DMXL1: variants seen among roughly 807,000 people sequenced by gnomAD.
The protein encoded by DMXL1 is dmX-like protein 1.
A neutral mutation model predicts 319.2 loss-of-function variants in DMXL1; 99 were observed. That is an observed-to-expected ratio of 0.31 (90% CI 0.26 to 0.37). DMXL1 has a LOEUF of 0.37. DMXL1 is among the 10% of genes least tolerant of loss of function. The pLI, the probability that DMXL1 is intolerant of heterozygous loss-of-function variation, is 1.00. For synonymous variants in DMXL1, 1,385 were observed against 1,235.2 expected (o/e 1.12, Z -2.54); for missense variants, 3,745 against 3,595.6 (o/e 1.04, Z -1.06).
rs575928186 is a variant in DMXL1 at position 119,224,247 on chromosome 5, T to C, written c.8278-462T>C. Among the ~76,000 whole-genome samples, 33 of 152,272 alleles carry C rather than the reference T, an allele frequency of 2.2e-4. 1 individual carries two copies. In the South Asian group the frequency reaches 6.6e-3, roughly 31 times the overall value. ...AATGTTCTATAAATTTTTCCTTTAA[T>C]TTTATGTGTTTGTTTTACTCTTATT... On this transcript the variant is annotated intron_variant, in intron 37 of 43. Transcript: ENST00000539542.
At position 119,238,998 on chromosome 5, in the gene DMXL1, T is replaced by G; in HGVS notation, c.8569T>G (p.Cys2857Gly). ...SMPKPYLTWQCHNKTANDFVF... is the reference protein window; with the variant it reads ...SMPKPYLTWQGHNKTANDFVF... ...TTTGTAACCATTCCAGACTTGGCAG[T>G]GTCATAACAAAACAGCCAATGATTT... is the stretch of plus-strand genomic sequence containing the variant. The change falls in exon 41 of 44, where the codon TGT (cysteine) becomes GGT (glycine). Residue 2857 changes from cysteine (C) to glycine (G), a missense_variant. Cys to Gly is a radical substitution (Grantham distance 159). This residue lies in a region of DMXL1 where 262 missense variants were observed against 320.5 expected (regional missense o/e 0.82). Coordinates refer to ENST00000539542, the MANE Select transcript of DMXL1 (RefSeq NM_001290321.3). 1 of 1,613,798 alleles carries G rather than the reference T, an allele frequency of 6.2e-7. No individual in the cohort carries two copies. Among genetic ancestry groups the G allele is most frequent in the Non-Finnish European group, 8.5e-7 (1 of 1,179,890 alleles).
chr5:119,196,808 GGAAA>G (rs919944976), intron 31 of DMXL1, among the ~76,000 whole-genome samples: 3 of 152,080 alleles, frequency 2.0e-5, no homozygotes, highest in South Asian at 2.1e-4. Flanking sequence ...AGATTGTACA[GGAAA>G]GAAAGGGGCA....
chr5:119,176,068 T>C (rs1203241410), intron 26 of DMXL1, among the ~76,000 whole-genome samples: 1 of 152,104 alleles, frequency 6.6e-6, no homozygotes, highest in Non-Finnish European at 1.5e-5. Context: ...TCAGGAGAAA[T>C]TCTAGCTTCA....
chr5:119,093,935 T>C (rs968212079), intron 1 of DMXL1, among the ~76,000 whole-genome samples: 5 of 151,904 alleles, frequency 3.3e-5, no homozygotes, highest in African/African-American at 9.7e-5. Context: ...CTGGGAGAGG[T>C]GAGGAAGCTG....
rs759574350 is a variant in DMXL1 at position 119,178,117 on chromosome 5, C to A, written c.7008C>A (p.Ala2336=). 3 of 1,613,814 alleles carry A rather than the reference C, an allele frequency of 1.9e-6. No homozygotes were observed. The African/African-American group carries it at 4.0e-5, about 22-fold the overall frequency. The change falls in exon 28 of 44, where the codon GCC becomes GCA. Residue 2336 remains alanine, a synonymous_variant. Coordinates refer to ENST00000539542, the MANE Select transcript of DMXL1 (RefSeq NM_001290321.3). The part of the protein sequence containing the change: ...VYLSLFIHGL[A]THSSNELFRI... ...TTAGTCTCTTCATCCATGGCCTGGC[C>A]ACACATTCAAGTAATGAGCTATTTC...
chr5:119,197,820 C>T lies in DMXL1; in HGVS notation c.7609C>T (p.Leu2537Phe). 6.2e-7 allele frequency: 1 copy of T among 1,614,140 alleles called. No individual in the cohort carries two copies. Among genetic ancestry groups the T allele is most frequent in the Non-Finnish European group, 8.5e-7 (1 of 1,180,020 alleles). ...AACTCTTCAATGTTGGGAACAAGTT[C>T]TTCTCCGACGACTTGAAATCCATGG... ...LKTLQCWEQV[L>F]LRRLEIHGGP... The change falls in exon 32 of 44, where the codon CTT becomes TTT. Residue 2537 changes from leucine (L) to phenylalanine (F), a missense_variant. This residue lies in a region of DMXL1 where 1,382 missense variants were observed against 1,269.5 expected (regional missense o/e 1.09). Coordinates refer to ENST00000539542, the MANE Select transcript of DMXL1 (RefSeq NM_001290321.3).
intron 32 of DMXL1, 113 bp from the exon 33 acceptor site, chr5:119,203,206 A>G (rs1781139144): frequency 9.2e-6 from 6 of 651,198 alleles, no homozygotes; most frequent in South Asian, 9.1e-5. Context: ...GCCTCCAGTC[A>G]TACAGTCTGA....
intron 1 of DMXL1, among the ~76,000 whole-genome samples, chr5:119,079,959 A>G (rs1751820641): frequency 1.3e-5 from 2 of 152,172 alleles, no homozygotes. Context: ...TTCTACATGC[A>G]GCTCCTGGTG....
chr5:119,105,037 T>G (rs527671410), intron 3 of DMXL1, 143 bp from the exon 4 acceptor site: 1 of 585,840 alleles, frequency 1.7e-6, no homozygotes, highest in African/African-American at 1.9e-5. Flanking sequence ...ATGTGTTCTC[T>G]ATTTTTGTTG....
intron 34 of DMXL1, among the ~76,000 whole-genome samples, chr5:119,215,764 T>A (rs928407992): frequency 1.3e-5 from 2 of 152,136 alleles, no homozygotes; most frequent in Middle Eastern, 3.2e-3. Context: ...TTTATGCATT[T>A]CACAATAAGT....
intron 10 of DMXL1, among the ~76,000 whole-genome samples, chr5:119,132,410 G>C (rs992775586): frequency 7.9e-5 from 12 of 152,214 alleles, no homozygotes; most frequent in African/African-American, 2.9e-4. Flanking sequence ...GCCGGGCACA[G>C]TGGCTCACGC....
intron 34 of DMXL1, among the ~76,000 whole-genome samples, chr5:119,209,492 G>T (rs943987569): frequency 1.3e-5 from 2 of 151,976 alleles, no homozygotes; most frequent in Admixed American, 6.6e-5. Context: ...TGGGACTACA[G>T]GCATGCATCA....
intron 1 of DMXL1, among the ~76,000 whole-genome samples, chr5:119,088,704 G>A (rs1433605603): frequency 6.6e-6 from 1 of 152,062 alleles, no homozygotes; most frequent in Non-Finnish European, 1.5e-5. Context: ...ACATCTTATT[G>A]AAGTGCGTTA....
chr5:119,089,294 T>TATATATATATA (rs150933906), intron 1 of DMXL1, among the ~76,000 whole-genome samples: 4 of 17,000 alleles, frequency 2.4e-4, no homozygotes, highest in East Asian at 0.012. Flanking sequence ...ATATATATAT[T>TATATATATATA]TTTTTTTTTT....
intron 32 of DMXL1, among the ~76,000 whole-genome samples, chr5:119,198,825 C>T (rs919399411): frequency 5.3e-5 from 8 of 152,180 alleles, no homozygotes; most frequent in African/African-American, 7.2e-5. Context: ...AAACTCACAT[C>T]GTGAGGATTT....
At chr5:119,206,128 A>T (rs936132819) in intron 33 of DMXL1, among the ~76,000 whole-genome samples, 1 of 151,996 alleles carries the variant, frequency 6.6e-6, no homozygotes, top group Admixed American at 6.6e-5. Flanking sequence ...CTCCCTTTGT[A>T]TTTAAATAGA....
intron 5 of DMXL1, among the ~76,000 whole-genome samples, chr5:119,111,028 A>G (rs1159408784): frequency 6.6e-6 from 1 of 152,146 alleles, no homozygotes; most frequent in Non-Finnish European, 1.5e-5. Flanking sequence ...ACCTCAGGTG[A>G]TCTGCCCGCC....
intron 2 of DMXL1, among the ~76,000 whole-genome samples, chr5:119,098,906 C>A (rs567946074): frequency 1.3e-5 from 2 of 152,214 alleles, no homozygotes; most frequent in African/African-American, 4.8e-5. Flanking sequence ...AGTCCATGGA[C>A]CCAATCATTT....
chr5:119,205,522 T>C (rs1218589817), intron 33 of DMXL1, among the ~76,000 whole-genome samples: 5 of 152,124 alleles, frequency 3.3e-5, no homozygotes, highest in Non-Finnish European at 7.4e-5. Flanking sequence ...GAATATTTTC[T>C]CTGAATTTTG....
Sources: allele counts gnomAD v4.1 joint callset (sites outside exome capture counted in the v4.1 genomes callset), GRCh38; gene constraint gnomAD v4.1.1; regional missense constraint gnomAD v4.1.1; transcripts MANE v1.5; gene names NCBI Gene and HGNC (gene_info 2026-07-23, HGNC 2026-07-21).